Variants in ATP10B observed in about 807,000 individuals in gnomAD.
ATP10B encodes the protein phospholipid-transporting ATPase VB.
A neutral mutation model predicts 141.2 loss-of-function variants in ATP10B; 122 were observed. The observed-to-expected ratio is 0.86, with a 90% CI of 0.75 to 1.00. The LOEUF is 1.00. ATP10B is among the 50% of genes least tolerant of loss of function. The pLI is 0.00. For synonymous variants in ATP10B, 685 were observed against 692.0 expected, an observed-to-expected ratio of 0.99 and a Z score of 0.16; for missense variants, 1,876 against 1,825.3, an observed-to-expected ratio of 1.03 and a Z score of -0.51.
intron 1 of ATP10B, among the ~76,000 whole-genome samples, chr5:160,850,638 A>G (rs1004061381): frequency 2.0e-5 from 3 of 152,192 alleles, no homozygotes; most frequent in African/African-American, 7.2e-5. Flanking sequence ...TCAGTATCAC[A>G]TGCTTCAAAA....
intron 6 of ATP10B, among the ~76,000 whole-genome samples, chr5:160,679,050 A>T (rs933902816): frequency 1.3e-5 from 2 of 152,224 alleles, no homozygotes; most frequent in African/African-American, 4.8e-5. Flanking sequence ...GATGAAACAC[A>T]TGGGGCCCCA....
At chr5:160,569,407 G>A (rs1754737498) in intron 25 of ATP10B, 89 bp downstream of exon 25, 1 of 1,338,712 alleles carries the variant, frequency 7.5e-7, no homozygotes, top group African/African-American at 1.5e-5. Context: ...GCCAGCAGAA[G>A]TCAAACTCCT....
the ATP10B span, among the ~76,000 whole-genome samples, chr5:160,868,569 C>T: frequency 4.7e-5 from 7 of 147,936 alleles, no homozygotes; most frequent in Admixed American, 3.4e-4. Context: ...CACACACACA[C>T]GATGCAACTA....
At chr5:160,756,301 GT>G (rs1208648920) in intron 2 of ATP10B, among the ~76,000 whole-genome samples, 2 of 152,036 alleles carry the variant, frequency 1.3e-5, no homozygotes, top group African/African-American at 4.8e-5. Context: ...GGTTTTGATA[GT>G]TTTTGGCTGT....
chr5:160,911,844 C>T, the ATP10B span, among the ~76,000 whole-genome samples: 24,034 of 152,134 alleles, frequency 0.16, 2,318 homozygotes, highest in East Asian at 0.37. Context: ...CTACCTCATC[C>T]GTGAGGCAAC....
chr5:160,581,128 G>A (rs1019663972), intron 24 of ATP10B, among the ~76,000 whole-genome samples: 1 of 152,024 alleles, frequency 6.6e-6, no homozygotes, highest in African/African-American at 2.4e-5. Context: ...TTTTTGAAGG[G>A]TTTTTTGTGT....
chr5:160,630,929 C>G (rs1031517549), intron 13 of ATP10B, among the ~76,000 whole-genome samples: 1 of 152,196 alleles, frequency 6.6e-6, no homozygotes, highest in Non-Finnish European at 1.5e-5. Context: ...TCAGAAAACA[C>G]AGTCCTTGGT....
intron 1 of ATP10B, among the ~76,000 whole-genome samples, chr5:160,791,829 A>G (rs558234824): frequency 6.6e-6 from 1 of 152,154 alleles, no homozygotes; most frequent in Non-Finnish European, 1.5e-5. Context: ...TCACTAAGGA[A>G]ATAAGAGAAT....
intron 2 of ATP10B, among the ~76,000 whole-genome samples, chr5:160,777,229 T>G (rs1463628721): frequency 1.3e-5 from 2 of 152,198 alleles, no homozygotes; most frequent in African/African-American, 4.8e-5. Flanking sequence ...CCATGGCTTG[T>G]GCCAGGCCAG....
At chr5:160,757,083 T>A (rs1768673503) in intron 2 of ATP10B, among the ~76,000 whole-genome samples, 1 of 152,242 alleles carries the variant, frequency 6.6e-6, no homozygotes, top group African/African-American at 2.4e-5. Context: ...AGATCTTGCA[T>A]TCAGGTTTAT....
intron 6 of ATP10B, among the ~76,000 whole-genome samples, chr5:160,677,677 AAC>A (rs1343021356): frequency 6.6e-6 from 1 of 152,230 alleles, no homozygotes; most frequent in East Asian, 1.9e-4. Context: ...TATTTAAGCT[AAC>A]ATTTTATGAG....
chr5:160,723,141 A>C (rs1766096070), intron 2 of ATP10B, among the ~76,000 whole-genome samples: 1 of 152,208 alleles, frequency 6.6e-6, no homozygotes, highest in Admixed American at 6.5e-5. Context: ...AACAGTGCCT[A>C]TGTCAAGAGA....
chr5:160,627,091 C>G (rs531782678), intron 13 of ATP10B, among the ~76,000 whole-genome samples: 1 of 152,320 alleles, frequency 6.6e-6, no homozygotes, highest in Admixed American at 6.5e-5. Flanking sequence ...CAGATTGTCT[C>G]CTCTCACAAC....
At chr5:160,912,050 TAG>T in the ATP10B span, among the ~76,000 whole-genome samples, 6,468 of 151,764 alleles carry the variant, frequency 0.043, 264 homozygotes, top group East Asian at 0.22. Context: ...TGCACTCCAG[TAG>T]AGAGAGAGAG....
chr5:160,732,465 T>C (rs1375483878), intron 2 of ATP10B, among the ~76,000 whole-genome samples: 1 of 152,224 alleles, frequency 6.6e-6, no homozygotes, highest in Non-Finnish European at 1.5e-5. Context: ...CTGTTTTAAG[T>C]AGATTTTTTG....
Position 160,603,959 on chromosome 5 carries a change from C to G in ATP10B, c.3237+6G>C. 6.2e-7 allele frequency: 1 copy of G among 1,609,140 alleles called. No individual in the cohort carries two copies. ...AAGAAAGAAGAATAGTTGCAGAGAA[C>G]AATACCTGCATGCCTTCCTGTCCAG... On this transcript the variant is annotated splice_donor_region_variant and intron_variant, in intron 20 of 25. Transcript: ENST00000327245.
At chr5:160,612,088 T>C (rs1418659320) in intron 18 of ATP10B, 1 of 152,238 alleles carries the variant, frequency 6.6e-6, no homozygotes, top group Non-Finnish European at 1.5e-5. Flanking sequence ...CCGTAATCTA[T>C]TCCAGTTGAA....
the ATP10B span, among the ~76,000 whole-genome samples, chr5:160,879,806 C>G: frequency 3.3e-5 from 5 of 152,248 alleles, no homozygotes; most frequent in East Asian, 9.6e-4. Flanking sequence ...CCACTGCACT[C>G]CAGCCTGGGC....
At chr5:160,591,207 T>C (rs1756271636) in intron 22 of ATP10B, 68 bp from the exon 23 acceptor site, 15 of 1,353,980 alleles carry the variant, frequency 1.1e-5, no homozygotes, top group Non-Finnish European at 1.6e-5. Context: ...CAAGCAACTT[T>C]CTTGCATGTG....
Sources: gnomAD v4.1 joint callset for allele counts (sites outside exome capture counted in the v4.1 genomes callset) on GRCh38, gnomAD v4.1.1 for gene constraint, MANE v1.5 for transcripts, NCBI Gene and HGNC (gene_info 2026-07-23, HGNC 2026-07-21) for gene names.